Variants in GLI3 observed in about 807,000 individuals in gnomAD.
GLI3 encodes GLI family zinc finger 3, also known as transcription activator GLI3.
A neutral mutation model predicts 100.8 loss-of-function variants in GLI3; 20 were observed. The ratio of observed to expected loss-of-function variants is 0.20; its 90% CI spans 0.14 to 0.29. GLI3 has a LOEUF of 0.29. Ranked by LOEUF, GLI3 falls within the 10% of genes least tolerant of loss-of-function variation. The probability of loss-of-function intolerance (pLI) is 1.00; values close to 1 mark genes in which losing one functional copy is unlikely to be tolerated. For missense variants in GLI3, 2,040 were observed against 2,128.5 expected (o/e 0.96, Z 0.82); for synonymous variants, 938 against 860.5 (o/e 1.09, Z -1.58).
intron 10 of GLI3, among the ~76,000 whole-genome samples, chr7:41,988,472 AAAG>A (rs1480259167): frequency 8.8e-4 from 21 of 23,862 alleles, no homozygotes; most frequent in Non-Finnish European, 2.1e-3. Flanking sequence ...TCAAAAAAAA[AAAG>A]GGGGGGGGGG....
At chr7:42,088,088 A>G (rs1562722237) in intron 3 of GLI3, among the ~76,000 whole-genome samples, 3 of 152,244 alleles carry the variant, frequency 2.0e-5, no homozygotes. Context: ...TGGGAGTACA[A>G]GTAGAAAACA....
chr7:42,118,634 T>C (rs1307354213), intron 3 of GLI3, among the ~76,000 whole-genome samples: 2 of 152,228 alleles, frequency 1.3e-5, no homozygotes, highest in Non-Finnish European at 2.9e-5. Flanking sequence ...TCACTAAGAA[T>C]GTGAAGCTGT....
chr7:42,130,206 A>T (rs1023836520), intron 3 of GLI3, among the ~76,000 whole-genome samples: 16 of 152,226 alleles, frequency 1.1e-4, no homozygotes, highest in South Asian at 1.0e-3. Flanking sequence ...CCCTAAAGGA[A>T]ATCCTGCCAA....
At chr7:42,115,093 G>T (rs1483370941) in intron 3 of GLI3, among the ~76,000 whole-genome samples, 1 of 148,142 alleles carries the variant, frequency 6.8e-6, no homozygotes, top group African/African-American at 2.5e-5. Flanking sequence ...AGACAAAAAT[G>T]TAAACCTTTT....
intron 1 of GLI3, among the ~76,000 whole-genome samples, chr7:42,258,470 A>G (rs1789107813): frequency 6.6e-6 from 1 of 152,222 alleles, no homozygotes; most frequent in African/African-American, 2.4e-5. Context: ...GTTGCCCTCC[A>G]TGAGTTACTG....
At chr7:42,152,677 T>C (rs761322914) in intron 2 of GLI3, among the ~76,000 whole-genome samples, 3 of 152,140 alleles carry the variant, frequency 2.0e-5, no homozygotes, top group Non-Finnish European at 4.4e-5. Flanking sequence ...GAAGGAGGGT[T>C]TATTATTTCA....
At chr7:42,005,077 A>G (rs1200577952) in intron 10 of GLI3, among the ~76,000 whole-genome samples, 1 of 152,252 alleles carries the variant, frequency 6.6e-6, no homozygotes, top group Non-Finnish European at 1.5e-5. Flanking sequence ...GCAAGACACA[A>G]AATAGAAACT....
At chr7:42,251,692 T>C (rs1789033992) in intron 1 of GLI3, among the ~76,000 whole-genome samples, 1 of 152,142 alleles carries the variant, frequency 6.6e-6, no homozygotes, top group African/African-American at 2.4e-5. Flanking sequence ...GCCTCAATTA[T>C]GACGTGGTTA....
chr7:42,113,674 A>G (rs1785773677), intron 3 of GLI3: 1 of 750,314 alleles, frequency 1.3e-6, no homozygotes, highest in South Asian at 1.4e-5. Flanking sequence ...TACAGTTTGA[A>G]ATACTATTTT....
At position 41,964,676 on chromosome 7, in the gene GLI3, C is replaced by T. The variant is rs775631287; in HGVS notation, c.4397G>A (p.Ser1466Asn). 8 of 1,614,044 alleles carry T rather than the reference C, an allele frequency of 5.0e-6. No individual in the cohort carries two copies. Among genetic ancestry groups the T allele is most frequent in the Non-Finnish European group, 6.8e-6 (8 of 1,179,970 alleles). Residue 1466 changes from serine (S) to asparagine (N), a missense_variant, in exon 15 of 15, where the codon AGC becomes AAC. Physicochemically the swap from Ser to Asn is conservative, Grantham distance 46. This residue lies in a region of GLI3 where 1,041 missense variants were observed against 924.0 expected (regional missense o/e 1.13). Coordinates refer to ENST00000395925, the MANE Select transcript of GLI3 (RefSeq NM_000168.6). ...KAGSFSISDA[S>N]CLLQGTSAKN... ...GGCGCTGGTCCCCTGTAGCAGGCAG[C>T]TGGCGTCTGAAATAGAGAATGAACC... is the stretch of plus-strand genomic sequence containing the variant.
chr7:42,101,152 C>A (rs575269644), intron 3 of GLI3, among the ~76,000 whole-genome samples: 2 of 152,328 alleles, frequency 1.3e-5, no homozygotes, highest in African/African-American at 4.8e-5. Flanking sequence ...AAGAACCTAA[C>A]AACCCTCAGA....
intron 2 of GLI3, among the ~76,000 whole-genome samples, chr7:42,179,084 A>C (rs575593165): frequency 1.3e-5 from 2 of 152,116 alleles, no homozygotes; most frequent in East Asian, 3.9e-4. Flanking sequence ...ACCTGGTGAG[A>C]GGGAATTGAA....
chr7:42,047,033 G>A (rs1451855685), intron 5 of GLI3, among the ~76,000 whole-genome samples: 1 of 152,074 alleles, frequency 6.6e-6, no homozygotes, highest in Non-Finnish European at 1.5e-5. Context: ...GTGCACACCA[G>A]TGGTCCCAGC....
chr7:42,245,687 CA>C (rs1788963878), intron 1 of GLI3, among the ~76,000 whole-genome samples: 1 of 150,824 alleles, frequency 6.6e-6, no homozygotes, highest in Non-Finnish European at 1.5e-5. Context: ...TCTCAAAAAA[CA>C]AAAACAAAAA....
intron 2 of GLI3, among the ~76,000 whole-genome samples, chr7:42,164,128 T>A (rs1418370465): frequency 1.3e-5 from 2 of 152,108 alleles, no homozygotes; most frequent in African/African-American, 4.8e-5. Context: ...GAAAAAATAA[T>A]CACTAGGACA....
intron 2 of GLI3, among the ~76,000 whole-genome samples, chr7:42,215,125 A>G (rs1788349240): frequency 6.6e-6 from 1 of 151,994 alleles, no homozygotes; most frequent in Non-Finnish European, 1.5e-5. Context: ...GACTCACACC[A>G]TATGCGTTAC....
chr7:42,197,531 T>G (rs752705870), intron 2 of GLI3, among the ~76,000 whole-genome samples: 1 of 152,248 alleles, frequency 6.6e-6, no homozygotes, highest in Non-Finnish European at 1.5e-5. Context: ...GGGCCATATG[T>G]TCAAGCACAC....
rs560208612 is a variant in GLI3, at chr7:42,221,158, G to A, written c.124+1972C>T. 1.0e-3 allele frequency among the ~76,000 whole-genome samples: 157 copies of A among 152,284 alleles called. 3 individuals are homozygous for A. The South Asian group carries it at 0.03, about 29-fold the overall frequency. ...CTCGTGGCTTTCTGGTTGTTGTGGG[G>A]CTGGTCAGATTAGTTCTGTTCCCAA... On this transcript the variant is annotated intron_variant, in intron 2 of 14. Transcript: ENST00000395925.
chr7:42,237,590 C>G (rs1191033636), upstream of GLI3, among the ~76,000 whole-genome samples: 1 of 151,698 alleles, frequency 6.6e-6, no homozygotes, highest in Non-Finnish European at 1.5e-5. Flanking sequence ...TCCCCGCGCT[C>G]CTCCTCCCCC....
Sources: gnomAD v4.1 joint callset for allele counts (sites outside exome capture counted in the v4.1 genomes callset) on GRCh38, gnomAD v4.1.1 for gene constraint, gnomAD v4.1.1 regional missense constraint, MANE v1.5 for transcripts, NCBI Gene and HGNC (gene_info 2026-07-23, HGNC 2026-07-21) for gene names.